Variants in PITRM1 observed in about 807,000 individuals in gnomAD.
PITRM1 encodes the protein presequence protease, mitochondrial.
PITRM1 carries 100 observed loss-of-function variants against 129.9 expected under a neutral mutation model. The ratio of observed to expected loss-of-function variants is 0.77; its 90% CI spans 0.65 to 0.91. The LOEUF (loss-of-function observed/expected upper bound fraction) is 0.91, where lower values mean the gene tolerates loss of function less well. PITRM1 is among the 40% of genes least tolerant of loss of function. The pLI is 0.00. For synonymous variants in PITRM1, 591 were observed against 508.8 expected, an observed-to-expected ratio of 1.16 and a Z score of -2.17; for missense variants, 1,471 against 1,318.3, an observed-to-expected ratio of 1.12 and a Z score of -1.79.
chr10:3,140,563 AAGAAGCACAC>A, intron 24 of PITRM1, 114 bp downstream of exon 24: 1 of 880,902 alleles, frequency 1.1e-6, no homozygotes, highest in Non-Finnish European at 1.7e-6. Flanking sequence ...AAGGAGTGAA[AAGAAGCACAC>A]AGAACAACTT....
intron 23 of PITRM1, among the ~76,000 whole-genome samples, chr10:3,142,615 C>T (rs545350634): frequency 4.1e-4 from 63 of 152,364 alleles, no homozygotes; most frequent in South Asian, 6.2e-4. Context: ...AGCCAGAGTT[C>T]GGAAGAAGGG....
In PITRM1 at chr10:3,137,817, T is replaced by C; in HGVS notation, c.*214A>G. On this transcript the variant is annotated 3_prime_UTR_variant, in exon 27 of 27. Transcript: ENST00000224949. ...GCCAGTACAAAGTGAAAATTCTACA[T>C]GGTGCATCTTTGGCGCTTCATGCAT... The C allele has an allele frequency of 1.8e-6, 1 of 555,770 alleles. No homozygotes were observed. Among genetic ancestry groups the C allele is most frequent in the Non-Finnish European group, 3.2e-6 (1 of 309,624 alleles). The allele number at this position is 555,770 out of a possible 1,614,324, so 34.4% of individuals were successfully genotyped here. A position where few individuals can be genotyped will look rare whatever the true frequency, so the allele number is the denominator to read the frequency against.
intron 20 of PITRM1, 167 bp from the exon 21 acceptor site, chr10:3,145,883 T>G: frequency 3.3e-6 from 2 of 605,654 alleles, no homozygotes. Flanking sequence ...TGCTCTTCAG[T>G]GCTTCAGGTT....
rs1485001114 is a variant in PITRM1 at position 3,157,493 on chromosome 10, T to C, written c.1289A>G (p.His430Arg). ...ATGTTTCATCTGTATTTCAATTTTA[T>C]GAAGTAAAGCCTCAATTCGATCATC... Reference protein sequence around the residue: ...FEDDRIEALLHKIEIQMKHQS... With the variant: ...FEDDRIEALLRKIEIQMKHQS... Residue 430 changes from histidine to arginine, a missense_variant, in exon 12 of 27, where the codon CAT (histidine) becomes CGT (arginine). Physicochemically the swap from His to Arg is conservative, Grantham distance 29. Coordinates refer to ENST00000224949, the MANE Select transcript of PITRM1 (RefSeq NM_014889.4). 10 of 1,611,140 alleles carry C rather than the reference T, an allele frequency of 6.2e-6. No individual in the cohort carries two copies. The highest frequency in any genetic ancestry group is 1.1e-5 in the South Asian group (1 of 90,830).
At chr10:3,171,146 TTAAAAAAAAAAAAAAAAAAA>T (rs1467741560) in intron 1 of PITRM1, among the ~76,000 whole-genome samples, 1,615 of 36,266 alleles carry the variant, frequency 0.045, 88 homozygotes, top group African/African-American at 0.13. Flanking sequence ...AATCGTTCAA[TTAAAAAAAAAAAAAAAAAAA>T]AAAAAAAAAA....
intron 7 of PITRM1, 34 bp from the exon 8 acceptor site, chr10:3,160,364 T>C: frequency 6.4e-7 from 1 of 1,560,306 alleles, no homozygotes; most frequent in Admixed American, 1.7e-5. Context: ...TAGTCTGTTT[T>C]AGTTTAAAAG....
At chr10:3,168,033 T>C (rs1257851641) in intron 2 of PITRM1, 3 of 152,214 alleles carry the variant, frequency 2.0e-5, no homozygotes, top group Admixed American at 1.3e-4. Context: ...TCTCTTCCAG[T>C]CATGCCAGCC....
chr10:3,147,964 A>G (rs750760079), intron 18 of PITRM1, 23 bp downstream of exon 18: 10 of 1,553,556 alleles, frequency 6.4e-6, no homozygotes, highest in Non-Finnish European at 8.9e-6. Context: ...CCAAGAATGG[A>G]CAACTCTTGC....
At chr10:3,141,314 G>A (rs1840175050) in intron 23 of PITRM1, among the ~76,000 whole-genome samples, 2 of 152,224 alleles carry the variant, frequency 1.3e-5, no homozygotes, top group Admixed American at 1.3e-4. Flanking sequence ...AGGTGGTGGG[G>A]AGGGAATCTT....
chr10:3,147,508 A>G, intron 19 of PITRM1, 64 bp downstream of exon 19: 1 of 1,504,006 alleles, frequency 6.6e-7, no homozygotes, highest in Non-Finnish European at 9.2e-7. Context: ...ATTCCCAAAG[A>G]AATTAGTAAC....
At chr10:3,171,704 G>A (rs985153894) in intron 1 of PITRM1, among the ~76,000 whole-genome samples, 13 of 152,200 alleles carry the variant, frequency 8.5e-5, no homozygotes, top group Non-Finnish European at 1.8e-4. Flanking sequence ...CTCCCAACAT[G>A]CTGGGATTAC....
Position 3,163,874 on chromosome 10 carries a change from C to A in PITRM1, c.642G>T (p.Glu214Asp). 6.2e-7 allele frequency: 1 copy of A among 1,601,492 alleles called. No homozygotes were observed. The highest frequency in any genetic ancestry group is 1.1e-5 in the South Asian group (1 of 88,980). The change falls in exon 7 of 27, where the codon GAG (glutamate) becomes GAT (aspartate). Residue 214 changes from glutamate (E) to aspartate (D), a missense_variant. Transcript: ENST00000224949. ...NEMKGAFTDN[E>D]RIFSQHLQNR... ...TCTGAAGGTGCTGGGAGAATATCCT[C>A]TCATTGTCTGTCTTGAAACGTAAAA...
Position 3,143,455 on chromosome 10 carries a change from G to T in PITRM1, c.2579C>A (p.Pro860His). The change falls in exon 23 of 27, where the codon CCC becomes CAC. Residue 860 changes from proline to histidine, a missense_variant. Pro to His is a moderately conservative substitution (Grantham distance 77). Coordinates refer to ENST00000224949, the MANE Select transcript of PITRM1 (RefSeq NM_014889.4). ...TTCACCCACGTAATTCACCGGGAAG[G>T]GCATCAGGAAGTGAGTCTTCATCTG... ...PWQMKTHFLM[P>H]FPVNYVGECI... 5 of 1,613,832 alleles carry T rather than the reference G, an allele frequency of 3.1e-6. No individual in the cohort carries two copies. Among genetic ancestry groups the T allele is most frequent in the Non-Finnish European group, 4.2e-6 (5 of 1,179,738 alleles).
intron 16 of PITRM1, 162 bp from the exon 17 acceptor site, chr10:3,148,453 T>G: frequency 1.2e-6 from 1 of 841,690 alleles, no homozygotes; most frequent in Non-Finnish European, 1.8e-6. Flanking sequence ...CACTCTGGCC[T>G]TCGCCCTCGA....
chr10:3,148,584 G>T, intron 16 of PITRM1: 1 of 338,606 alleles, frequency 3.0e-6, no homozygotes, highest in Non-Finnish European at 5.4e-6. Context: ...TCTAAAATAG[G>T]CATTTCCAGT....
At chr10:3,172,806 C>T (rs746958366), upstream of PITRM1, 1 of 1,533,584 alleles carries the variant, frequency 6.5e-7, no homozygotes, top group Non-Finnish European at 8.8e-7. Context: ...GCGAGGAACC[C>T]CCTCTTAACC....
At chr10:3,151,715 G>T (rs1047902761) in intron 14 of PITRM1, among the ~76,000 whole-genome samples, 7 of 152,156 alleles carry the variant, frequency 4.6e-5, no homozygotes, top group Non-Finnish European at 8.8e-5. Flanking sequence ...TTGATGGACT[G>T]AAATTTAGTG....
chr10:3,143,376 T>C lies in PITRM1; in HGVS notation c.2645+13A>G, dbSNP rs1840466886. 1.3e-6 allele frequency: 2 copies of C among 1,550,766 alleles called. No individual in the cohort carries two copies. The highest frequency in any genetic ancestry group is 3.3e-5 in the Admixed American group (2 of 59,902). On this transcript the variant is annotated intron_variant, in intron 23 of 26. Transcript: ENST00000224949. ...GGCTCAGGCCTGAGAGGTCCCGACC[T>C]ACACCCTCCTACCTGGCATGATCTG...
chr10:3,168,382 T>C (rs982294573), intron 2 of PITRM1, among the ~76,000 whole-genome samples: 5 of 152,188 alleles, frequency 3.3e-5, no homozygotes, highest in African/African-American at 1.2e-4. Flanking sequence ...GCTTTCATGG[T>C]AGCTATTTCT....
Sources: allele counts gnomAD v4.1 joint callset (sites outside exome capture counted in the v4.1 genomes callset), GRCh38; gene constraint gnomAD v4.1.1; transcripts MANE v1.5; gene names NCBI Gene and HGNC (gene_info 2026-07-23, HGNC 2026-07-21).